Variants in RSRC1 observed in about 807,000 individuals in gnomAD.
RSRC1 encodes arginine and serine rich coiled-coil 1.
A neutral mutation model predicts 49.1 loss-of-function variants in RSRC1; 39 were observed. The ratio of observed to expected loss-of-function variants is 0.79; its 90% CI spans 0.61 to 1.04. RSRC1 has a LOEUF of 1.04. RSRC1 is among the 50% of genes least tolerant of loss of function. The pLI is 0.00. For missense variants in RSRC1, 388 were observed against 402.4 expected (o/e 0.96, Z 0.31); for synonymous variants, 143 against 130.8 (o/e 1.09, Z -0.63).
At chr3:158,482,384 CA>C (rs1404081028) in intron 7 of RSRC1, among the ~76,000 whole-genome samples, 8 of 152,136 alleles carry the variant, frequency 5.3e-5, no homozygotes, top group Non-Finnish European at 1.2e-4. Flanking sequence ...CTTAATCCAG[CA>C]AATATTCTTC....
Position 158,266,398 on chromosome 3 carries a change from A to C in RSRC1, c.495-31641A>C, listed in dbSNP as rs146265639. On this transcript the variant is annotated intron_variant, in intron 4 of 9. Coordinates refer to ENST00000611884, the MANE Select transcript of RSRC1 (RefSeq NM_001271838.2). ...ATTGTTATATATTTTGAGCTTATGT[A>C]GATGTTTTATTGTTGATGAATTATA... 1.2e-3 allele frequency among the ~76,000 whole-genome samples: 186 copies of C among 152,216 alleles called. 1 individual carries two copies. Among genetic ancestry groups the C allele is most frequent in the African/African-American group, 4.3e-3 (180 of 41,544 alleles).
chr3:158,381,169 C>T (rs181864291), intron 6 of RSRC1, among the ~76,000 whole-genome samples: 9 of 152,242 alleles, frequency 5.9e-5, no homozygotes, highest in South Asian at 2.1e-4. Flanking sequence ...AACACATGAA[C>T]ACTTACAAAC....
At chr3:158,497,353 G>A (rs956724210) in intron 7 of RSRC1, among the ~76,000 whole-genome samples, 5 of 151,362 alleles carry the variant, frequency 3.3e-5, no homozygotes, top group Non-Finnish European at 5.9e-5. Flanking sequence ...CCCATCACCT[G>A]AGCAGTATAC....
intron 7 of RSRC1, among the ~76,000 whole-genome samples, chr3:158,473,526 G>C (rs1042777697): frequency 2.0e-5 from 3 of 151,986 alleles, no homozygotes; most frequent in African/African-American, 4.8e-5. Flanking sequence ...GGTGAGGGCA[G>C]GGGGGAGGGA....
intron 5 of RSRC1, among the ~76,000 whole-genome samples, chr3:158,332,011 C>G (rs1032778334): frequency 1.3e-5 from 2 of 151,658 alleles, no homozygotes; most frequent in African/African-American, 4.8e-5. Context: ...AAAAGTAGAA[C>G]TTAATTTATG....
At chr3:158,538,744 A>G (rs1163280267) in intron 8 of RSRC1, among the ~76,000 whole-genome samples, 3 of 152,076 alleles carry the variant, frequency 2.0e-5, no homozygotes, top group Middle Eastern at 3.4e-3. Context: ...ACAGGAGAAT[A>G]TGCTATAAAG....
At chr3:158,534,032 G>C (rs1378819170) in intron 7 of RSRC1, among the ~76,000 whole-genome samples, 1 of 151,552 alleles carries the variant, frequency 6.6e-6, no homozygotes, top group Non-Finnish European at 1.5e-5. Flanking sequence ...GACAGTGCTT[G>C]GTTTTATTAT....
chr3:158,483,944 T>C (rs1022198963), intron 7 of RSRC1, among the ~76,000 whole-genome samples: 1 of 152,132 alleles, frequency 6.6e-6, no homozygotes, highest in Non-Finnish European at 1.5e-5. Context: ...CTTTTCCTTT[T>C]CTAGCTTAGT....
intron 6 of RSRC1, among the ~76,000 whole-genome samples, chr3:158,368,221 A>T (rs943331413): frequency 3.3e-5 from 5 of 152,152 alleles, no homozygotes; most frequent in African/African-American, 9.7e-5. Context: ...TCTGGGGAGA[A>T]TTTTAAAGCT....
intron 3 of RSRC1, among the ~76,000 whole-genome samples, chr3:158,141,245 G>GT (rs892391490): frequency 1.3e-5 from 2 of 152,096 alleles, no homozygotes; most frequent in Non-Finnish European, 1.5e-5. Context: ...GAAAATTCCA[G>GT]TTTTTTTGGA....
chr3:158,280,835 C>T (rs1357145450), intron 4 of RSRC1, among the ~76,000 whole-genome samples: 1 of 151,816 alleles, frequency 6.6e-6, no homozygotes, highest in Non-Finnish European at 1.5e-5. Context: ...TTAGTAGAGA[C>T]GGGGTTTCAC....
chr3:158,279,689 T>G (rs1419832672), intron 4 of RSRC1, among the ~76,000 whole-genome samples: 1 of 152,234 alleles, frequency 6.6e-6, no homozygotes, highest in Non-Finnish European at 1.5e-5. Flanking sequence ...AGAATCTTCA[T>G]TTGTACTGTC....
chr3:158,187,853 T>C (rs543740062), intron 3 of RSRC1, among the ~76,000 whole-genome samples: 1 of 152,102 alleles, frequency 6.6e-6, no homozygotes, highest in African/African-American at 2.4e-5. Context: ...CGTGTAGGCT[T>C]ATATGGATTA....
At chr3:158,433,728 T>G (rs1391782493) in intron 6 of RSRC1, among the ~76,000 whole-genome samples, 1 of 152,002 alleles carries the variant, frequency 6.6e-6, no homozygotes, top group African/African-American at 2.4e-5. Context: ...TCCAAATATC[T>G]AAAAACAATT....
chr3:158,309,834 C>T (rs1392210981), intron 5 of RSRC1, among the ~76,000 whole-genome samples: 2 of 151,616 alleles, frequency 1.3e-5, no homozygotes, highest in African/African-American at 4.8e-5. Context: ...TCCACCAATA[C>T]CATCATGTCA....
At chr3:158,232,587 A>G (rs1723028838) in intron 4 of RSRC1, among the ~76,000 whole-genome samples, 1 of 152,140 alleles carries the variant, frequency 6.6e-6, no homozygotes, top group South Asian at 2.1e-4. Flanking sequence ...ACAGTGCTCT[A>G]GAGATACGTA....
intron 6 of RSRC1, among the ~76,000 whole-genome samples, chr3:158,446,601 T>G (rs1302032883): frequency 6.6e-6 from 1 of 152,098 alleles, no homozygotes; most frequent in Non-Finnish European, 1.5e-5. Flanking sequence ...AGGAAAATTT[T>G]ATAATAATTA....
At chr3:158,302,771 C>T (rs1727636309) in intron 5 of RSRC1, 1 of 147,536 alleles carries the variant, frequency 6.8e-6, no homozygotes, top group South Asian at 2.2e-4. Context: ...AAGTGATTCT[C>T]CTGTCTCAGC....
rs142921414 is a variant in RSRC1 at position 158,493,798 on chromosome 3, G to A, written c.652+32795G>A. On this transcript the variant is annotated intron_variant, in intron 7 of 9. Coordinates refer to ENST00000611884, the MANE Select transcript of RSRC1 (RefSeq NM_001271838.2). ...AAGCTCAGCTACTGTGATAGGCTGA[G>A]ACTCAGCTGGTTGTCACATAAGTAT... Among the ~76,000 whole-genome samples the A allele has an allele frequency of 4.6e-3, 704 of 152,314 alleles. 8 individuals carry two copies. Among genetic ancestry groups the A allele is most frequent in the African/African-American group, 0.016 (673 of 41,566 alleles).
Sources: allele counts gnomAD v4.1 joint callset (sites outside exome capture counted in the v4.1 genomes callset), GRCh38; gene constraint gnomAD v4.1.1; transcripts MANE v1.5; gene names NCBI Gene and HGNC (gene_info 2026-07-23, HGNC 2026-07-21).